Variants in DISP2 observed in about 807,000 individuals in gnomAD.
DISP2 encodes the protein dispatched RND transporter family member 2, also known as protein dispatched homolog 2.
DISP2 carries 59 observed loss-of-function variants against 95.5 expected under a neutral mutation model. That is an observed-to-expected ratio of 0.62 (90% confidence interval 0.50 to 0.77). The LOEUF (loss-of-function observed/expected upper bound fraction) is 0.77, where lower values mean the gene tolerates loss of function less well. DISP2 is among the 30% of genes least tolerant of loss of function. The probability of loss-of-function intolerance (pLI) is 0.00; values close to 1 mark genes in which losing one functional copy is unlikely to be tolerated. For synonymous variants in DISP2, 827 were observed against 815.0 expected, an observed-to-expected ratio of 1.01 and a Z score of -0.25; for missense variants, 1,752 against 1,854.6, an observed-to-expected ratio of 0.94 and a Z score of 1.02.
chr15:40,368,973 A>G lies in DISP2; in HGVS notation c.2861A>G (p.Tyr954Cys). ...RGWFTSRLEL[Y>C]SLQHSLSTEP... ...TGGTTCACTAGCCGTCTAGAGCTGT[A>G]TAGCCTGCAGCACAGCCTGAGCACT... Residue 954 changes from tyrosine to cysteine, a missense_variant, in exon 8 of 8, where the codon TAT becomes TGT. Transcript: ENST00000267889. 3 of 1,613,996 alleles carry G rather than the reference A, an allele frequency of 1.9e-6. No homozygotes were observed. Among genetic ancestry groups the G allele is most frequent in the Non-Finnish European group, 2.5e-6 (3 of 1,180,044 alleles).
intron 3 of DISP2, 43 bp downstream of exon 3, chr15:40,364,298 G>C: frequency 6.2e-7 from 1 of 1,614,050 alleles, no homozygotes; most frequent in Non-Finnish European, 8.5e-7. Flanking sequence ...TGACCAGGCT[G>C]GTGCCCAGTT....
In DISP2 at chr15:40,367,419, G is replaced by A; in HGVS notation, c.1307G>A (p.Ser436Asn). 1.2e-6 allele frequency: 2 copies of A among 1,613,480 alleles called. No individual in the cohort carries two copies. Among genetic ancestry groups the A allele is most frequent in the Non-Finnish European group, 1.7e-6 (2 of 1,179,932 alleles). Reference sequence around the variant, plus strand: ...TACCAGGTGCCTTCCCTCAAGTACAGCCTGCTCTTCCTGCCCACCCCAAAG... The same window carrying A: ...TACCAGGTGCCTTCCCTCAAGTACAACCTGCTCTTCCTGCCCACCCCAAAG... ...TDYQVPSLKY[S>N]LLFLPTPKGA... is the part of the protein sequence containing the mutation. The change falls in exon 8 of 8, where the codon AGC (serine) becomes AAC (asparagine). Residue 436 changes from serine to asparagine, a missense_variant. This residue lies in a region of DISP2 where 732 missense variants were observed against 714.6 expected (regional missense o/e 1.02). Coordinates refer to ENST00000267889, the MANE Select transcript of DISP2 (RefSeq NM_033510.3).
chr15:40,368,758 A>C lies in DISP2; in HGVS notation c.2646A>C (p.Gln882His), dbSNP rs1889568723. ...GCCTGAAAATGATGGCTCTGGAGCA[A>C]GGCCCCGATGGCACCCAGGACCTGG... ...LHCLKMMALEQGPDGTQDLGL... is the reference protein window; with the variant it reads ...LHCLKMMALEHGPDGTQDLGL... Residue 882 changes from glutamine (Q) to histidine (H), a missense_variant, in exon 8 of 8, where the codon CAA (glutamine) becomes CAC (histidine). By Grantham distance (24) the Gln-to-His change is conservative (BLOSUM62 0). Transcript: ENST00000267889. 1 of 1,613,764 alleles carries C rather than the reference A, an allele frequency of 6.2e-7. No individual in the cohort carries two copies. Among genetic ancestry groups the C allele is most frequent in the Non-Finnish European group, 8.5e-7 (1 of 1,180,028 alleles).
At chr15:40,362,208 C>A (rs1373316856) in intron 1 of DISP2, among the ~76,000 whole-genome samples, 1 of 152,224 alleles carries the variant, frequency 6.6e-6, no homozygotes, top group African/African-American at 2.4e-5. Context: ...TCTTCTGCTC[C>A]GTGCTCCATG....
intron 1 of DISP2, among the ~76,000 whole-genome samples, chr15:40,359,042 C>T (rs1160355471): frequency 2.0e-5 from 3 of 152,230 alleles, no homozygotes; most frequent in Non-Finnish European, 2.9e-5. Context: ...GCTCAGGCTG[C>T]TGGCCTGTAC....
rs1210660755 is a variant in DISP2 at position 40,364,481 on chromosome 15, C to A, written c.540C>A (p.Ile180=). 6.2e-7 allele frequency: 1 copy of A among 1,614,114 alleles called. No homozygotes were observed. The highest frequency in any genetic ancestry group is 8.5e-7 in the Non-Finnish European group (1 of 1,180,040). The change falls in exon 4 of 8, where the codon ATC becomes ATA. Residue 180 remains isoleucine (I), a synonymous_variant. Transcript: ENST00000267889. ...TGCTGATGCTGTGTCTGGCTGTCAT[C>A]TTCCTCTGCACCCTGGCTGGACTGT... ...VAVLMLCLAV[I]FLCTLAGLLG...
intron 6 of DISP2, 145 bp downstream of exon 6, chr15:40,365,419 C>A: frequency 7.0e-7 from 1 of 1,434,890 alleles, no homozygotes. Flanking sequence ...CGGGTTACAG[C>A]TGGGATAGGG....
chr15:40,369,463 GA>G lies in DISP2; in HGVS notation c.3353del (p.Lys1118ArgfsTer183), dbSNP rs1261446923. Reference protein sequence around the residue: ...QSLCCFFGPEKNCGQILWPCA... With the variant: ...QSLCCFFGPEXNCGQILWPCA... ...CTCTCTGCTGTTTCTTCGGGCCAGAGAAGAACTGTGGGCAGATCCTCTGGCC... is the reference window on the plus strand; with the variant it reads ...CTCTCTGCTGTTTCTTCGGGCCAGAGAGAACTGTGGGCAGATCCTCTGGCC... On this transcript the variant is annotated frameshift_variant, in exon 8 of 8. Coordinates refer to ENST00000267889, the MANE Select transcript of DISP2 (RefSeq NM_033510.3). LOFTEE classifies it high-confidence loss of function. 5.6e-6 allele frequency: 9 copies of G among 1,613,182 alleles called. No homozygotes were observed. The highest frequency in any genetic ancestry group is 7.6e-6 in the Non-Finnish European group (9 of 1,180,018).
rs1035340522 is a variant in DISP2 at position 40,374,181 on chromosome 15, T to C, written c.*3863T>C. 1.3e-5 allele frequency: 2 copies of C among 151,010 alleles called. No individual in the cohort carries two copies. Among genetic ancestry groups the C allele is most frequent in the African/African-American group, 4.9e-5 (2 of 41,014 alleles). The allele number at this position is 151,010 out of a possible 1,614,324, so 9.4% of individuals were successfully genotyped here. On this transcript the variant is annotated 3_prime_UTR_variant, in exon 8 of 8. Coordinates refer to ENST00000267889, the MANE Select transcript of DISP2 (RefSeq NM_033510.3). Reference sequence around the variant, plus strand: ...ATATATAGCATATCCCATACCATGATATGCGGGCAATATTCCAGCTTGAGA... The same window carrying C: ...ATATATAGCATATCCCATACCATGACATGCGGGCAATATTCCAGCTTGAGA...
chr15:40,377,760 C>G lies in DISP2; in HGVS notation c.*7442C>G, dbSNP rs1164957190. 3 of 152,402 alleles carry G rather than the reference C, an allele frequency of 2.0e-5. No homozygotes were observed. The highest frequency in any genetic ancestry group is 4.4e-5 in the Non-Finnish European group (3 of 68,148). The allele number at this position is 152,402 out of a possible 1,614,324, so 9.4% of individuals were successfully genotyped here. ...TCATCATATAAGTGTAAGGAAACCA[C>G]TTGAGACAAAGGAAAGGACCACCCA... On this transcript the variant is annotated 3_prime_UTR_variant, in exon 8 of 8. Coordinates refer to ENST00000267889, the MANE Select transcript of DISP2 (RefSeq NM_033510.3).
chr15:40,367,301 C>T lies in DISP2; in HGVS notation c.1189C>T (p.Gln397Ter). 2 of 1,613,726 alleles carry T rather than the reference C, an allele frequency of 1.2e-6. No individual in the cohort carries two copies. Among genetic ancestry groups the T allele is most frequent in the Non-Finnish European group, 1.7e-6 (2 of 1,179,956 alleles). Residue 397 changes from glutamine to a stop codon, truncating the protein, a stop_gained, in exon 8 of 8, where the codon CAG becomes TAG. Coordinates refer to ENST00000267889, the MANE Select transcript of DISP2 (RefSeq NM_033510.3). LOFTEE classifies it high-confidence loss of function. ...GCAGAACAAGTCCCCACGCTGTGCCCAGGTTCCCACCAAGTGCTCCCAGAG... is the reference window on the plus strand; with the variant it reads ...GCAGAACAAGTCCCCACGCTGTGCCTAGGTTCCCACCAAGTGCTCCCAGAG... ...PGQNKSPRCA[Q>*]VPTKCSQSSA... is the part of the protein sequence containing the mutation.
chr15:40,358,253 C>CACCGCT lies in DISP2; in HGVS notation c.-64_-63insTACCGC. 9.0e-7 allele frequency: 1 copy of CACCGCT among 1,115,044 alleles called. No individual in the cohort carries two copies. Among genetic ancestry groups the CACCGCT allele is most frequent in the East Asian group, 4.2e-5 (1 of 24,020 alleles). The allele number at this position is 1,115,044 out of a possible 1,614,324, so 69.1% of individuals were successfully genotyped here. A position where few individuals can be genotyped will look rare whatever the true frequency, so the allele number is the denominator to read the frequency against. On this transcript the variant is annotated 5_prime_UTR_variant, in exon 1 of 8. Coordinates refer to ENST00000267889, the MANE Select transcript of DISP2 (RefSeq NM_033510.3). ...AGCACCCCGCCGCCGCTGCCGCCGC[C>CACCGCT]ACCGCCGCCGCCGCCGCCGCCGCCG...
In DISP2 at chr15:40,367,843, G is replaced by A. The variant is rs202129208; in HGVS notation, c.1731G>A (p.Gly577=). Residue 577 remains glycine (G), a synonymous_variant, in exon 8 of 8, where the codon GGG becomes GGA. Coordinates refer to ENST00000267889, the MANE Select transcript of DISP2 (RefSeq NM_033510.3). ...GCAAGAGCCAGCTGCCGTCGGGGGG[G>A]CTGGCGCAGCGCGTGGGCCGCACCA... ...RLSKSQLPSG[G]LAQRVGRTMH... 7.4e-5 allele frequency: 118 copies of A among 1,600,856 alleles called. No individual in the cohort carries two copies. Among genetic ancestry groups the A allele is most frequent in the Non-Finnish European group, 9.1e-5 (107 of 1,179,878 alleles).
Position 40,374,014 on chromosome 15 carries a change from A to AAAAAAAAAAAAAAAAATATATATATAT in DISP2, c.*3697_*3698insAAAAAAAAAAAAAAATATATATATATA. 2.9e-4 allele frequency: 30 copies of AAAAAAAAAAAAAAAAATATATATATAT among 104,168 alleles called. No homozygotes were observed. Among genetic ancestry groups the AAAAAAAAAAAAAAAAATATATATATAT allele is most frequent in the African/African-American group, 1.2e-3 (29 of 23,956 alleles). The allele number at this position is 104,168 out of a possible 1,614,324, so 6.5% of individuals were successfully genotyped here. A position where few individuals can be genotyped will look rare whatever the true frequency, so the allele number is the denominator to read the frequency against. ...GCGAGACTCCATCTTAAAAAAAAAA[A>AAAAAAAAAAAAAAAAATATATATATAT]ATATATATATATATATATGTAAACT... is the stretch of plus-strand genomic sequence containing the variant. On this transcript the variant is annotated 3_prime_UTR_variant, in exon 8 of 8. Coordinates refer to ENST00000267889, the MANE Select transcript of DISP2 (RefSeq NM_033510.3).
chr15:40,367,702 T>C lies in DISP2; in HGVS notation c.1590T>C (p.Leu530=), dbSNP rs1889525354. The C allele has an allele frequency of 1.2e-6, 2 of 1,613,620 alleles. No homozygotes were observed. Among genetic ancestry groups the C allele is most frequent in the African/African-American group, 1.3e-5 (1 of 74,916 alleles). The change falls in exon 8 of 8, where the codon CTT becomes CTC. Residue 530 remains leucine (L), a synonymous_variant. Transcript: ENST00000267889. The part of the protein sequence containing the change: ...VLGSLLVAFF[L]YQVAFRMAYF... ...GCTCACTGCTGGTGGCCTTCTTCCT[T>C]TACCAGGTGGCCTTCCGCATGGCCT...
At position 40,367,515 on chromosome 15, in the gene DISP2, C is replaced by T; in HGVS notation, c.1403C>T (p.Ser468Phe). The T allele has an allele frequency of 6.2e-7, 1 of 1,613,842 alleles. No individual in the cohort carries two copies. Among genetic ancestry groups the T allele is most frequent in the Non-Finnish European group, 8.5e-7 (1 of 1,180,006 alleles). ...TGGGGGCTTGCTGACAACTACACCT[C>T]TGTCACTGGCATGGACCTGGGCCTC... ...TPWGLADNYT[S>F]VTGMDLGLKQ... is the part of the protein sequence containing the mutation. Residue 468 changes from serine (S) to phenylalanine (F), a missense_variant, in exon 8 of 8, where the codon TCT becomes TTT. Transcript: ENST00000267889.
In DISP2 at chr15:40,367,884, ACCTGCT is replaced by A. The variant is rs1329699208; in HGVS notation, c.1773_1778del (p.Tyr591_Leu593delinsTer). 6.3e-7 allele frequency: 1 copy of A among 1,598,988 alleles called. No homozygotes were observed. The highest frequency in any genetic ancestry group is 8.5e-7 in the Non-Finnish European group (1 of 1,179,568). On this transcript the variant is annotated stop_gained and inframe_deletion, in exon 8 of 8. Transcript: ENST00000267889. LOFTEE classifies it high-confidence loss of function. ...GGCCGCACCATGCACCACTTCGGCT[ACCTGCT>A]GCTGGTCTCCGGCCTCACCACGAGC... is the stretch of plus-strand genomic sequence containing the variant.
chr15:40,368,274 C>T lies in DISP2; in HGVS notation c.2162C>T (p.Ala721Val), dbSNP rs747284946. Residue 721 changes from alanine (A) to valine (V), a missense_variant, in exon 8 of 8, where the codon GCC (alanine) becomes GTC (valine). Physicochemically the swap from Ala to Val is moderately conservative, Grantham distance 64. Transcript: ENST00000267889. ...CTGGCGGCAGGGGGCGCCTACATCGCCGGAGTCAGCCCCCGCCTGCGGCTG... is the reference window on the plus strand; with the variant it reads ...CTGGCGGCAGGGGGCGCCTACATCGTCGGAGTCAGCCCCCGCCTGCGGCTG... ...AALAAGGAYI[A>V]GVSPRLRLPT... 6.2e-7 allele frequency: 1 copy of T among 1,608,402 alleles called. No homozygotes were observed. Among genetic ancestry groups the T allele is most frequent in the South Asian group, 1.1e-5 (1 of 90,902 alleles).
rs771105820 is a variant in DISP2 at position 40,369,915 on chromosome 15, C to G, written c.3803C>G (p.Ala1268Gly). The G allele has an allele frequency of 3.2e-6, 5 of 1,578,340 alleles. No homozygotes were observed. Among genetic ancestry groups the G allele is most frequent in the Non-Finnish European group, 3.4e-6 (4 of 1,160,566 alleles). The stretch of plus-strand genomic sequence containing the variant: ...CTGCCAGCCTCACCAGAAGCCCCAG[C>G]CCACTCTCCTAAGGCCAAGGCTGCA... Reference protein sequence around the residue: ...EPLPASPEAPAHSPKAKAADP... With the variant: ...EPLPASPEAPGHSPKAKAADP... Residue 1268 changes from alanine (A) to glycine (G), a missense_variant, in exon 8 of 8, where the codon GCC (alanine) becomes GGC (glycine). This residue lies in a region of DISP2 where 347 missense variants were observed against 344.2 expected (regional missense o/e 1.01). Coordinates refer to ENST00000267889, the MANE Select transcript of DISP2 (RefSeq NM_033510.3).
Sources: gnomAD v4.1 joint callset for allele counts (sites outside exome capture counted in the v4.1 genomes callset) on GRCh38, gnomAD v4.1.1 for gene constraint, gnomAD v4.1.1 regional missense constraint, MANE v1.5 for transcripts, NCBI Gene and HGNC (gene_info 2026-07-23, HGNC 2026-07-21) for gene names.